PPM1B: variants seen among roughly 807,000 people sequenced by gnomAD.
PPM1B encodes the protein protein phosphatase 1B.
PPM1B carries 22 observed loss-of-function variants against 43.0 expected under a neutral mutation model. The observed-to-expected ratio is 0.51, with a 90% CI of 0.37 to 0.73. PPM1B has a LOEUF of 0.73. Among genes scored for constraint, PPM1B ranks in the 30% least tolerant of loss-of-function variants. The pLI, the probability that PPM1B is intolerant of heterozygous loss-of-function variation, is 0.00. For synonymous variants in PPM1B, 217 were observed against 197.9 expected, an observed-to-expected ratio of 1.10 and a Z score of -0.81; for missense variants, 632 against 584.2, an observed-to-expected ratio of 1.08 and a Z score of -0.84.
At chr2:44,192,928 A>G (rs557128848) in intron 1 of PPM1B, among the ~76,000 whole-genome samples, 2 of 152,192 alleles carry the variant, frequency 1.3e-5, no homozygotes, top group Non-Finnish European at 2.9e-5. Context: ...ACAGTATTCC[A>G]TTGTGTATAT....
At chr2:44,199,057 G>T (rs538944189) in intron 1 of PPM1B, among the ~76,000 whole-genome samples, 7 of 152,130 alleles carry the variant, frequency 4.6e-5, no homozygotes, top group Admixed American at 1.3e-4. Flanking sequence ...AGGAGTTCAA[G>T]ACCAATCTGG....
rs142161955 is a variant in PPM1B, at chr2:44,216,933, G to C, written c.965-1034G>C. On this transcript the variant is annotated intron_variant, in intron 3 of 5. Coordinates refer to ENST00000282412, the MANE Select transcript of PPM1B (RefSeq NM_002706.6). ...AAAAAAAAGGGACATTCACCATACA[G>C]AGGGGTTGGATTAGAGTGAAAAGTG... 1.0e-4 allele frequency among the ~76,000 whole-genome samples: 15 copies of C among 150,276 alleles called. No individual in the cohort carries two copies. The East Asian group carries it at 2.8e-3, about 28-fold the overall frequency.
At chr2:44,234,375 T>C, downstream of PPM1B, 1 of 490,478 alleles carries the variant, frequency 2.0e-6, no homozygotes, top group South Asian at 8.8e-5. Context: ...AAAGATTAGC[T>C]GGGCATGGTG....
intron 5 of PPM1B, among the ~76,000 whole-genome samples, chr2:44,225,107 A>C (rs1242748563): frequency 6.6e-6 from 1 of 152,236 alleles, no homozygotes; most frequent in African/African-American, 2.4e-5. Flanking sequence ...CATCACTTAT[A>C]AAAATGATAA....
chr2:44,221,015 A>G (rs893766602), intron 5 of PPM1B, among the ~76,000 whole-genome samples: 1 of 152,308 alleles, frequency 6.6e-6, no homozygotes, highest in African/African-American at 2.4e-5. Context: ...CAGCCTTTTG[A>G]ACATCATTTT....
chr2:44,169,772 C>G (rs1363918348), intron 1 of PPM1B, among the ~76,000 whole-genome samples: 1 of 152,230 alleles, frequency 6.6e-6, no homozygotes, highest in Non-Finnish European at 1.5e-5. Context: ...GTTCTACCCT[C>G]GCCTTCCCTC....
intron 2 of PPM1B, among the ~76,000 whole-genome samples, chr2:44,205,558 T>G (rs1172132679): frequency 6.6e-6 from 1 of 152,200 alleles, no homozygotes; most frequent in Non-Finnish European, 1.5e-5. Flanking sequence ...TTGCTGTATA[T>G]CTTTCCAAAT....
intron 3 of PPM1B, among the ~76,000 whole-genome samples, chr2:44,215,903 G>A (rs558917530): frequency 1.3e-5 from 2 of 152,290 alleles, no homozygotes; most frequent in Admixed American, 6.5e-5. Flanking sequence ...CGTGCTTGGA[G>A]AGAGAATATC....
Position 44,226,963 on chromosome 2 carries a change from T to G in PPM1B, c.1135-3450T>G, listed in dbSNP as rs1558430027. On this transcript the variant is annotated intron_variant, in intron 5 of 5. Coordinates refer to ENST00000282412, the MANE Select transcript of PPM1B (RefSeq NM_002706.6). ...TTATTTATTTATTTATTTATTTATT[T>G]ATTTATTTATGAATGAATGAATGAA... Among the ~76,000 whole-genome samples the G allele has an allele frequency of 5.2e-3, 739 of 142,206 alleles. 7 individuals carry two copies. Among genetic ancestry groups the G allele is most frequent in the African/African-American group, 0.018 (711 of 39,508 alleles). 93.3% of individuals were successfully genotyped at this position (142,206 alleles called of 152,430 possible).
At chr2:44,209,954 T>G (rs989549252) in intron 3 of PPM1B, among the ~76,000 whole-genome samples, 1 of 152,166 alleles carries the variant, frequency 6.6e-6, no homozygotes, top group African/African-American at 2.4e-5. Flanking sequence ...TGAAGGTAGT[T>G]CGTTAGAGCT....
intron 3 of PPM1B, among the ~76,000 whole-genome samples, chr2:44,212,895 C>CTA (rs1669544480): frequency 6.6e-6 from 1 of 151,692 alleles, no homozygotes; most frequent in Admixed American, 6.6e-5. Context: ...CGCCTGTAGT[C>CTA]CCAGCTACTC....
chr2:44,231,041 A>G lies in PPM1B; in HGVS notation c.*323A>G, dbSNP rs1670449831. The stretch of plus-strand genomic sequence containing the variant: ...AAATTTTGATTAGAGAGATTATGCT[A>G]TATTATGGAAAAACTTGTTAATGTA... On this transcript the variant is annotated 3_prime_UTR_variant, in exon 6 of 6. Coordinates refer to ENST00000282412, the MANE Select transcript of PPM1B (RefSeq NM_002706.6). 1.2e-5 allele frequency: 11 copies of G among 929,826 alleles called. No individual in the cohort carries two copies. The highest frequency in any genetic ancestry group is 1.2e-5 in the Non-Finnish European group (9 of 771,182). The allele number at this position is 929,826 out of a possible 1,614,324, so 57.6% of individuals were successfully genotyped here. A position where few individuals can be genotyped will look rare whatever the true frequency, so the allele number is the denominator to read the frequency against.
rs370772354 is a variant in PPM1B, at chr2:44,228,945, G to T, written c.1135-1468G>T. ...CACCTGTAATCCCAGCACTTTGGGA[G>T]GCCGATGCAGGCAGATCACCTGAGG... On this transcript the variant is annotated intron_variant, in intron 5 of 5. Coordinates refer to ENST00000282412, the MANE Select transcript of PPM1B (RefSeq NM_002706.6). 2.0e-5 allele frequency among the ~76,000 whole-genome samples: 3 copies of T among 152,232 alleles called. No individual in the cohort carries two copies. In the East Asian group the frequency reaches 5.8e-4, roughly 29 times the overall value.
intron 1 of PPM1B, among the ~76,000 whole-genome samples, chr2:44,186,869 A>G (rs1558395512): frequency 6.6e-6 from 1 of 152,242 alleles, no homozygotes; most frequent in Non-Finnish European, 1.5e-5. Flanking sequence ...AAGCTTAAAT[A>G]AAATTTAATT....
chr2:44,238,947 A>C (rs79900654), downstream of PPM1B, among the ~76,000 whole-genome samples: 8,881 of 152,110 alleles, frequency 0.058, 858 homozygotes, highest in African/African-American at 0.2. Flanking sequence ...AAATTATTTC[A>C]CTAAAAATCC....
chr2:44,213,837 A>G (rs567119957), intron 3 of PPM1B: 1 of 152,240 alleles, frequency 6.6e-6, no homozygotes, highest in African/African-American at 2.4e-5. Context: ...TTTTTATAGG[A>G]GTTAATATTT....
chr2:44,207,431 T>C lies in PPM1B; in HGVS notation c.847-1779T>C, dbSNP rs528386318. The stretch of plus-strand genomic sequence containing the variant: ...TTAGAGTGAACAGAAAAAGAAAGTT[T>C]GAAAAAAATCGTTATTCCAAGAACA... On this transcript the variant is annotated intron_variant, in intron 2 of 5. Transcript: ENST00000282412. Among the ~76,000 whole-genome samples, 6 of 152,300 alleles carry C rather than the reference T, an allele frequency of 3.9e-5. 1 individual carries two copies. In the South Asian group the frequency reaches 1.2e-3, roughly 32 times the overall value.
chr2:44,218,946 C>A, intron 5 of PPM1B: 2 of 445,024 alleles, frequency 4.5e-6, no homozygotes, highest in South Asian at 3.2e-5. Flanking sequence ...AATAACTAGA[C>A]CTTTCAGTAC....
chr2:44,190,967 A>T (rs1193939726), intron 1 of PPM1B, among the ~76,000 whole-genome samples: 1 of 152,206 alleles, frequency 6.6e-6, no homozygotes, highest in Non-Finnish European at 1.5e-5. Context: ...TTGCTTCTTA[A>T]CATAAGGATC....
Sources: gnomAD v4.1 joint callset for allele counts (sites outside exome capture counted in the v4.1 genomes callset) on GRCh38, gnomAD v4.1.1 for gene constraint, MANE v1.5 for transcripts, NCBI Gene and HGNC (gene_info 2026-07-23, HGNC 2026-07-21) for gene names.